The following ZSWIM5 variants were observed in gnomAD, a reference collection of about 807,000 sequenced individuals.
ZSWIM5 encodes zinc finger SWIM-type containing 5.
Under a neutral mutation model 119.6 loss-of-function variants are expected in ZSWIM5, and 55 were observed. The observed-to-expected ratio is 0.46, with a 90% CI of 0.37 to 0.58. The LOEUF is 0.58. ZSWIM5 is among the 20% of genes least tolerant of loss of function. The pLI, the probability that ZSWIM5 is intolerant of heterozygous loss-of-function variation, is 0.00. For missense variants in ZSWIM5, 1,193 were observed against 1,512.8 expected (o/e 0.79, Z 3.51); for synonymous variants, 537 against 606.9 (o/e 0.88, Z 1.69).
intron 1 of ZSWIM5, among the ~76,000 whole-genome samples, chr1:45,195,215 C>G (rs1646114854): frequency 6.6e-6 from 1 of 152,032 alleles, no homozygotes; most frequent in South Asian, 2.1e-4. Flanking sequence ...TTGCACAGAT[C>G]ATACTAAAAA....
At chr1:45,166,709 C>T (rs938203025) in intron 1 of ZSWIM5, among the ~76,000 whole-genome samples, 19 of 152,058 alleles carry the variant, frequency 1.2e-4, no homozygotes, top group Non-Finnish European at 2.5e-4. Flanking sequence ...CATGAGTGAA[C>T]TCCCATTCAC....
intron 1 of ZSWIM5, among the ~76,000 whole-genome samples, chr1:45,093,681 C>T (rs900447457): frequency 3.3e-5 from 5 of 152,160 alleles, no homozygotes; most frequent in African/African-American, 4.8e-5. Context: ...ATCTATACCC[C>T]TTGCCTTATT....
Position 45,044,800 on chromosome 1 carries a change from T to TAA in ZSWIM5, c.1433-1406_1433-1405insTT, listed in dbSNP as rs1557746576. On this transcript the variant is annotated intron_variant, in intron 5 of 13. Transcript: ENST00000359600. ...AAATATATATATATAAATATATATA[T>TAA]ATAAATATATATATATATATAAATA... Among the ~76,000 whole-genome samples the TAA allele has an allele frequency of 5.9e-3, 40 of 6,784 alleles. 2 individuals are homozygous for TAA. The highest frequency in any genetic ancestry group is 0.029 in the South Asian group (3 of 102). 4.5% of individuals were successfully genotyped at this position (6,784 alleles called of 152,430 possible).
chr1:45,141,603 G>A (rs190008212), intron 1 of ZSWIM5, among the ~76,000 whole-genome samples: 2 of 152,164 alleles, frequency 1.3e-5, no homozygotes, highest in East Asian at 1.9e-4. Flanking sequence ...AACATAATCC[G>A]TAAGATTTAT....
chr1:45,109,028 T>C (rs1232045535), intron 1 of ZSWIM5, among the ~76,000 whole-genome samples: 1 of 152,212 alleles, frequency 6.6e-6, no homozygotes, highest in African/African-American at 2.4e-5. Flanking sequence ...TTTACAGCAT[T>C]TTGGTCAAGG....
intron 1 of ZSWIM5, among the ~76,000 whole-genome samples, chr1:45,129,308 G>A (rs545685675): frequency 2.0e-5 from 3 of 151,804 alleles, no homozygotes; most frequent in African/African-American, 4.8e-5. Flanking sequence ...ACAGGCGCCC[G>A]CCACCACCCC....
intron 8 of ZSWIM5, among the ~76,000 whole-genome samples, chr1:45,038,469 G>A (rs1054513968): frequency 9.9e-5 from 15 of 152,112 alleles, no homozygotes; most frequent in Middle Eastern, 3.4e-3. Flanking sequence ...AGACCAAAGG[G>A]TAGGAAAGGA....
intron 1 of ZSWIM5, among the ~76,000 whole-genome samples, chr1:45,113,765 A>G (rs1043371359): frequency 6.6e-6 from 1 of 152,228 alleles, no homozygotes; most frequent in African/African-American, 2.4e-5. Context: ...TATATTTCCA[A>G]CTGCCTGCTG....
chr1:45,100,569 CA>C (rs1557765789), intron 1 of ZSWIM5, among the ~76,000 whole-genome samples: 1 of 151,990 alleles, frequency 6.6e-6, no homozygotes, highest in Non-Finnish European at 1.5e-5. Context: ...CATATGGAAC[CA>C]AAAAAGAGCC....
At chr1:45,176,289 G>T (rs1415491606) in intron 1 of ZSWIM5, among the ~76,000 whole-genome samples, 2 of 151,732 alleles carry the variant, frequency 1.3e-5, no homozygotes, top group East Asian at 3.9e-4. Context: ...TTTTCAGACG[G>T]AGTCTTGCTT....
chr1:45,137,492 G>A (rs1034580593), intron 1 of ZSWIM5, among the ~76,000 whole-genome samples: 1 of 152,168 alleles, frequency 6.6e-6, no homozygotes, highest in East Asian at 1.9e-4. Context: ...TGGGTATAAA[G>A]GGCTAGAAGG....
intron 1 of ZSWIM5, among the ~76,000 whole-genome samples, chr1:45,173,702 T>C (rs959554201): frequency 6.6e-6 from 1 of 152,142 alleles, no homozygotes. Flanking sequence ...AAAAGAATAT[T>C]ATATGGATTA....
chr1:45,023,239 T>A (rs1644898896), intron 11 of ZSWIM5, among the ~76,000 whole-genome samples: 1 of 152,220 alleles, frequency 6.6e-6, no homozygotes, highest in South Asian at 2.1e-4. Context: ...TCTGTTCATC[T>A]CTTTCTCCAT....
intron 1 of ZSWIM5, among the ~76,000 whole-genome samples, chr1:45,107,132 T>A (rs184674209): frequency 1.3e-5 from 2 of 152,158 alleles, no homozygotes; most frequent in South Asian, 4.1e-4. Flanking sequence ...CTCGTGTTTA[T>A]CTGCTGACCT....
intron 1 of ZSWIM5, among the ~76,000 whole-genome samples, chr1:45,090,643 TA>T (rs1024131923): frequency 6.6e-6 from 1 of 150,858 alleles, no homozygotes; most frequent in African/African-American, 2.4e-5. Context: ...TAAAATAAAA[TA>T]AAAATAAAAT....
chr1:45,081,238 GCTCCCTCTCCCT>G lies in ZSWIM5; in HGVS notation c.952+6631_952+6642del, dbSNP rs72132650. Among the ~76,000 whole-genome samples, 312 of 146,360 alleles carry G rather than the reference GCTCCCTCTCCCT, an allele frequency of 2.1e-3. 1 individual carries two copies. Among genetic ancestry groups the G allele is most frequent in the Middle Eastern group, 6.9e-3 (2 of 288 alleles). ...ACTGTTTATCAGAAATCTTTATCTA[GCTCCCTCTCCCT>G]CTCCCTCTCCCTCTCCCTCTCCCTC... On this transcript the variant is annotated intron_variant, in intron 2 of 13. Coordinates refer to ENST00000359600, the MANE Select transcript of ZSWIM5 (RefSeq NM_020883.2).
At chr1:45,081,887 G>C (rs1309301813) in intron 2 of ZSWIM5, among the ~76,000 whole-genome samples, 2 of 152,094 alleles carry the variant, frequency 1.3e-5, no homozygotes, top group Admixed American at 6.5e-5. Flanking sequence ...GAATAGAAAG[G>C]GGGGAAAGGT....
At chr1:45,129,960 T>A (rs1053726410) in intron 1 of ZSWIM5, among the ~76,000 whole-genome samples, 4 of 152,018 alleles carry the variant, frequency 2.6e-5, no homozygotes, top group African/African-American at 9.7e-5. Flanking sequence ...TGCAGCAGTG[T>A]GATCTCAGCT....
chr1:45,180,874 C>A (rs1377099817), intron 1 of ZSWIM5, among the ~76,000 whole-genome samples: 1 of 152,136 alleles, frequency 6.6e-6, no homozygotes, highest in Non-Finnish European at 1.5e-5. Flanking sequence ...GCTGAGGGTC[C>A]TGTCTGTTAG....
Sources: allele counts gnomAD v4.1 joint callset (sites outside exome capture counted in the v4.1 genomes callset), GRCh38; gene constraint gnomAD v4.1.1; transcripts MANE v1.5; gene names NCBI Gene and HGNC (gene_info 2026-07-23, HGNC 2026-07-21).